Variants in CACNA1S observed in about 807,000 individuals in gnomAD.
CACNA1S encodes the protein voltage-dependent L-type calcium channel subunit alpha-1S.
In CACNA1S, 126 loss-of-function variants were observed where a neutral mutation model predicts 207.4. The ratio of observed to expected loss-of-function variants is 0.61; its 90% CI spans 0.53 to 0.70. The LOEUF is 0.70. Among genes scored for constraint, CACNA1S ranks in the 30% least tolerant of loss-of-function variants. CACNA1S has a pLI of 0.00. For missense variants in CACNA1S, 2,349 were observed against 2,422.8 expected (o/e 0.97, Z 0.64); for synonymous variants, 960 against 932.7 (o/e 1.03, Z -0.53).
At chr1:201,079,131 A>AC (rs1411985398) in intron 10 of CACNA1S, among the ~76,000 whole-genome samples, 2 of 150,242 alleles carry the variant, frequency 1.3e-5, no homozygotes, top group Non-Finnish European at 1.5e-5. Context: ...AAAAAAAAAA[A>AC]ACAAAAAAAC....
At position 201,098,979 on chromosome 1, in the gene CACNA1S, G is replaced by T. The variant is rs78993276; in HGVS notation, c.259-4958C>A. Reference sequence around the variant, plus strand: ...GCACAGGCCTTGCACCTGCTCCCAGGGGCATTGGAGCCAGGTACTTCCAGA... The same window carrying T: ...GCACAGGCCTTGCACCTGCTCCCAGTGGCATTGGAGCCAGGTACTTCCAGA... On this transcript the variant is annotated intron_variant, in intron 2 of 43. Coordinates refer to ENST00000362061, the MANE Select transcript of CACNA1S (RefSeq NM_000069.3). Among the ~76,000 whole-genome samples the T allele has an allele frequency of 1.9e-3, 285 of 152,282 alleles. 4 individuals are homozygous for T. In the East Asian group the frequency reaches 0.045, roughly 24 times the overall value.
intron 11 of CACNA1S, 45 bp from the exon 12 acceptor site, chr1:201,077,172 A>C: frequency 7.7e-5 from 118 of 1,524,712 alleles, no homozygotes; most frequent in Middle Eastern, 2.0e-4. Context: ...AGACCCTCTC[A>C]CTGGGGCCCA....
Position 201,060,652 on chromosome 1 carries a change from C to T in CACNA1S, c.3414+6G>A. 2 of 1,614,150 alleles carry T rather than the reference C, an allele frequency of 1.2e-6. No individual in the cohort carries two copies. The highest frequency in any genetic ancestry group is 1.1e-5 in the South Asian group (1 of 91,078). ...ATCAGACATTTTTCTCCTGGGGAGC[C>T]CTTACCTGCATGCCGAGGCAGATGG... On this transcript the variant is annotated splice_donor_region_variant and intron_variant, in intron 26 of 43. Transcript: ENST00000362061.
At position 201,069,495 on chromosome 1, in the gene CACNA1S, G is replaced by A. The variant is rs199758244; in HGVS notation, c.2467C>T (p.Arg823Trp). 66 of 1,602,138 alleles carry A rather than the reference G, an allele frequency of 4.1e-5. No homozygotes were observed. Among genetic ancestry groups the A allele is most frequent in the Middle Eastern group, 1.7e-4 (1 of 6,042 alleles). ...SAALAAEDPIRADSMRNQILK... is the reference protein window; with the variant it reads ...SAALAAEDPIWADSMRNQILK... ...ACCTGATTTCTCATGGAATCAGCCC[G>A]GATGGGGTCTTCCGCAGCCAGTGCA... Residue 823 changes from arginine to tryptophan, a missense_variant, in exon 18 of 44, where the codon CGG becomes TGG. Arg to Trp is a moderately radical substitution (Grantham distance 101, BLOSUM62 -3). Coordinates refer to ENST00000362061, the MANE Select transcript of CACNA1S (RefSeq NM_000069.3).
intron 1 of CACNA1S, among the ~76,000 whole-genome samples, chr1:201,110,560 T>C (rs1017565264): frequency 2.0e-5 from 3 of 152,168 alleles, no homozygotes; most frequent in African/African-American, 7.2e-5. Flanking sequence ...CTTTAAGGCC[T>C]AGGGGGTCTT....
intron 10 of CACNA1S, among the ~76,000 whole-genome samples, chr1:201,081,590 T>C (rs1205194988): frequency 1.3e-5 from 2 of 152,234 alleles, no homozygotes; most frequent in Non-Finnish European, 2.9e-5. Flanking sequence ...GGCTTTCCAT[T>C]GCCTAAAGTG....
chr1:201,091,333 CA>C (rs1174619416), intron 5 of CACNA1S, among the ~76,000 whole-genome samples: 1 of 152,218 alleles, frequency 6.6e-6, no homozygotes, highest in Non-Finnish European at 1.5e-5. Flanking sequence ...AAGCTTATCC[CA>C]TGCCTATGTC....
intron 6 of CACNA1S, 23 bp from the exon 7 acceptor site, chr1:201,087,952 CCT>C: frequency 1.3e-6 from 2 of 1,513,376 alleles, no homozygotes; most frequent in Non-Finnish European, 1.8e-6. Flanking sequence ...GAAGTGTGAT[CCT>C]CTGAGTTGAG....
intron 40 of CACNA1S, 107 bp from the exon 41 acceptor site, chr1:201,041,696 C>T (rs1202549839): frequency 1.2e-6 from 1 of 823,338 alleles, no homozygotes; most frequent in East Asian, 2.6e-5. Flanking sequence ...TGTACAAGGC[C>T]AACCTAGTGT....
At chr1:201,098,020 C>T (rs933298129) in intron 2 of CACNA1S, among the ~76,000 whole-genome samples, 4 of 152,226 alleles carry the variant, frequency 2.6e-5, no homozygotes, top group African/African-American at 7.2e-5. Flanking sequence ...CTCTCACCCC[C>T]CAACTGTCTA....
rs757840865 is a variant in CACNA1S at position 201,062,077 on chromosome 1, C to T, written c.2920G>A (p.Val974Met). The T allele has an allele frequency of 1.1e-5, 17 of 1,613,912 alleles. 1 individual carries two copies. The South Asian group carries it at 1.2e-4, about 11-fold the overall frequency. Residue 974 changes from valine to methionine, a missense_variant, in exon 24 of 44, where the codon GTG becomes ATG. Val to Met is a conservative substitution (Grantham distance 21). Transcript: ENST00000362061. ...TEEECRGYYY[V>M]YKDGDPMQIE... The stretch of plus-strand genomic sequence containing the variant: ...TGCATGGGGTCCCCGTCCTTGTACA[C>T]GTAGTAGTAGCCCCTGTGGCAGGGA...
rs1237433336 is a variant in CACNA1S at position 201,047,015 on chromosome 1, G to A, written c.4668+100C>T. ...TTCTGGGCTTCCTTTTTCCCTCTAT[G>A]TCTCCATCATTGGCCCCTCAAGGAC... On this transcript the variant is annotated intron_variant, in intron 38 of 43. Transcript: ENST00000362061. 3 of 1,478,860 alleles carry A rather than the reference G, an allele frequency of 2.0e-6. No individual in the cohort carries two copies. The African/African-American group carries it at 4.2e-5, about 21-fold the overall frequency. 91.6% of individuals were successfully genotyped at this position (1,478,860 alleles called of 1,614,324 possible).
intron 2 of CACNA1S, among the ~76,000 whole-genome samples, chr1:201,100,222 G>T (rs1048083112): frequency 2.0e-5 from 3 of 152,232 alleles, no homozygotes; most frequent in Admixed American, 6.5e-5. Context: ...GTTTGCTCCG[G>T]CTGTGCTGTT....
intron 5 of CACNA1S, among the ~76,000 whole-genome samples, chr1:201,090,011 T>G (rs1662169624): frequency 1.3e-5 from 2 of 152,260 alleles, no homozygotes; most frequent in Non-Finnish European, 2.9e-5. Context: ...TTCTTGTCTC[T>G]AAAATCCTGT....
At chr1:201,109,137 A>G (rs1275474223) in intron 2 of CACNA1S, among the ~76,000 whole-genome samples, 1 of 151,964 alleles carries the variant, frequency 6.6e-6, no homozygotes, top group African/African-American at 2.4e-5. Flanking sequence ...AATCCCAGCT[A>G]CTTGGGAGGC....
In CACNA1S at chr1:201,049,179, G is replaced by T. The variant is rs772439074; in HGVS notation, c.4242-80C>A. On this transcript the variant is annotated intron_variant, in intron 34 of 43. Transcript: ENST00000362061. ...CTTTCTGCTCAGAGGATGGGCAATG[G>T]GAAAGAAAGCCAGGAAACAGGGGAG... The T allele has an allele frequency of 5.1e-6, 5 of 976,586 alleles. No homozygotes were observed. In the East Asian group the frequency reaches 1.1e-4, roughly 21 times the overall value. 60.5% of individuals were successfully genotyped at this position (976,586 alleles called of 1,614,324 possible). A position where few individuals can be genotyped will look rare whatever the true frequency, so the allele number is the denominator to read the frequency against.
At position 201,048,117 on chromosome 1, in the gene CACNA1S, C is replaced by T. The variant is rs181392607; in HGVS notation, c.4441+465G>A. On this transcript the variant is annotated intron_variant, in intron 36 of 43. Transcript: ENST00000362061. Reference sequence around the variant, plus strand: ...AGACTTGAGCTTGATACAGTGTGAGCCCTGAGCAAGGGCTCAGAGACAATA... The same window carrying T: ...AGACTTGAGCTTGATACAGTGTGAGTCCTGAGCAAGGGCTCAGAGACAATA... Among the ~76,000 whole-genome samples the T allele has an allele frequency of 1.2e-3, 189 of 152,340 alleles. 2 individuals carry two copies. The highest frequency in any genetic ancestry group is 2.0e-3 in the Non-Finnish European group (138 of 68,022).
intron 2 of CACNA1S, among the ~76,000 whole-genome samples, chr1:201,097,698 TC>T (rs35487617): frequency 6.6e-6 from 1 of 152,024 alleles, no homozygotes; most frequent in Non-Finnish European, 1.5e-5. Flanking sequence ...CAGGTGACAT[TC>T]CCCCATCAGT....
intron 9 of CACNA1S, among the ~76,000 whole-genome samples, 177 bp downstream of exon 9, chr1:201,084,773 T>A (rs569199988): frequency 6.6e-6 from 1 of 152,254 alleles, no homozygotes. Context: ...TCCCCGAGGA[T>A]CTGGTCCCTG....
Sources: allele counts gnomAD v4.1 joint callset (sites outside exome capture counted in the v4.1 genomes callset), GRCh38; gene constraint gnomAD v4.1.1; transcripts MANE v1.5; gene names NCBI Gene and HGNC (gene_info 2026-07-23, HGNC 2026-07-21).